UBA2: variants seen among roughly 807,000 people sequenced by gnomAD.
UBA2 encodes ubiquitin like modifier activating enzyme 2.
Under a neutral mutation model 77.2 loss-of-function variants are expected in UBA2, and 11 were observed. That is an observed-to-expected ratio of 0.14 (90% CI 0.09 to 0.24). The LOEUF is 0.24. UBA2 is among the 10% of genes least tolerant of loss of function. UBA2 has a pLI of 1.00. For missense variants in UBA2, 487 were observed against 781.7 expected (o/e 0.62, Z 4.50); for synonymous variants, 278 against 276.7 (o/e 1.00, Z -0.05).
intron 1 of UBA2, 111 bp downstream of exon 1, chr19:34,428,681 G>A: frequency 3.3e-6 from 4 of 1,218,150 alleles, no homozygotes; most frequent in Non-Finnish European, 4.1e-6. Flanking sequence ...CCCGGGACCG[G>A]AGTTGCGGAG....
At chr19:34,457,179 A>AATATATATAT (rs766043321) in intron 12 of UBA2, among the ~76,000 whole-genome samples, 11 of 53,220 alleles carry the variant, frequency 2.1e-4, no homozygotes, top group African/African-American at 5.9e-4. Context: ...AAAAAAAAAA[A>AATATATATAT]ATATATATAT....
At chr19:34,444,946 G>A in intron 7 of UBA2, 54 bp from the exon 8 acceptor site, 1 of 1,553,950 alleles carries the variant, frequency 6.4e-7, no homozygotes, top group East Asian at 2.3e-5. Context: ...TGAGTGAAAA[G>A]AGTTCAGTTC....
intron 15 of UBA2, 127 bp from the exon 16 acceptor site, chr19:34,466,751 A>T (rs1427172249): frequency 2.6e-5 from 15 of 578,680 alleles, no homozygotes; most frequent in Admixed American, 3.8e-5. Flanking sequence ...AATAAAAATT[A>T]AAAAAAAAAT....
At chr19:34,438,586 T>C in intron 5 of UBA2, 59 bp from the exon 6 acceptor site, 1 of 1,600,794 alleles carries the variant, frequency 6.2e-7, no homozygotes, top group Non-Finnish European at 8.5e-7. Context: ...TTATATTACC[T>C]TATAATGTTG....
chr19:34,464,100 G>A lies in UBA2; in HGVS notation c.1573G>A (p.Asp525Asn), dbSNP rs762048921. 2 of 1,613,238 alleles carry A rather than the reference G, an allele frequency of 1.2e-6. No individual in the cohort carries two copies. Among genetic ancestry groups the A allele is most frequent in the Non-Finnish European group, 1.7e-6 (2 of 1,179,286 alleles). Residue 525 changes from aspartate to asparagine, a missense_variant, in exon 15 of 17, where the codon GAC becomes AAC. Around this residue, in one of 9 missense-constraint regions of UBA2, gnomAD observed 300 missense variants for 454.3 expected, o/e 0.66. Coordinates refer to ENST00000246548, the MANE Select transcript of UBA2 (RefSeq NM_005499.3). ...GCTTCAAGCAGATGACTTCCTCCAG[G>A]ACTATACTTTATTGATCAACATCCT... ...SRLQADDFLQ[D>N]YTLLINILHS...
chr19:34,440,056 G>C (rs924272121), intron 6 of UBA2, among the ~76,000 whole-genome samples: 1 of 152,150 alleles, frequency 6.6e-6, no homozygotes, highest in Non-Finnish European at 1.5e-5. Flanking sequence ...CAGTGCGGTG[G>C]CTCAGGCCTG....
At chr19:34,431,651 G>T (rs561974865) in intron 2 of UBA2, among the ~76,000 whole-genome samples, 1 of 151,988 alleles carries the variant, frequency 6.6e-6, no homozygotes, top group Non-Finnish European at 1.5e-5. Flanking sequence ...CGTGGGTCAG[G>T]GGGGGCTCTC....
rs192564302 is a variant in UBA2, at chr19:34,466,304, C to A, written c.1605-574C>A. Among the ~76,000 whole-genome samples, 51 of 152,274 alleles carry A rather than the reference C, an allele frequency of 3.3e-4. No homozygotes were observed. In the East Asian group the frequency reaches 8.7e-3, roughly 26 times the overall value. ...TGAACCGAGATCACGCTACTGCACTCTAGCCTGGGTGACAGAGTGAGACTC... is the reference window on the plus strand; with the variant it reads ...TGAACCGAGATCACGCTACTGCACTATAGCCTGGGTGACAGAGTGAGACTC... On this transcript the variant is annotated intron_variant, in intron 15 of 16. Transcript: ENST00000246548.
chr19:34,464,213 A>G, intron 15 of UBA2, 82 bp downstream of exon 15: 1 of 939,474 alleles, frequency 1.1e-6, no homozygotes, highest in East Asian at 2.6e-5. Flanking sequence ...GTGTTTTCTT[A>G]TCCTTAAACC....
At chr19:34,429,035 C>T (rs2910411) in intron 1 of UBA2, 72,801 of 985,208 alleles carry the variant, frequency 0.074, 3,528 homozygotes, top group African/African-American at 0.22. Context: ...TGGTCACGAG[C>T]GGGTTTACAC....
intron 10 of UBA2, 106 bp from the exon 11 acceptor site, chr19:34,454,154 C>T (rs552661548): frequency 1.8e-5 from 19 of 1,029,578 alleles, no homozygotes; most frequent in East Asian, 1.2e-4. Context: ...TTGTTCTAGT[C>T]GAAAGTCTAT....
intron 15 of UBA2, among the ~76,000 whole-genome samples, chr19:34,464,527 CA>C (rs1409711302): frequency 1.3e-5 from 2 of 150,582 alleles, no homozygotes; most frequent in Non-Finnish European, 3.0e-5. Flanking sequence ...CATTGCACTC[CA>C]ACCTGGGAGA....
intron 5 of UBA2, among the ~76,000 whole-genome samples, chr19:34,435,723 G>A (rs1387420894): frequency 6.6e-6 from 1 of 151,936 alleles, no homozygotes; most frequent in Non-Finnish European, 1.5e-5. Flanking sequence ...CCAGCTAGTT[G>A]GGAGACTGAA....
chr19:34,431,291 G>T (rs1426823824), intron 2 of UBA2, among the ~76,000 whole-genome samples: 1 of 108,958 alleles, frequency 9.2e-6, no homozygotes, highest in African/African-American at 3.6e-5. Context: ...TCACTCTGTC[G>T]CCCCAGGCTG....
intron 6 of UBA2, among the ~76,000 whole-genome samples, chr19:34,441,984 C>T (rs189335655): frequency 1.1e-4 from 16 of 151,940 alleles, no homozygotes; most frequent in African/African-American, 1.9e-4. Context: ...CCTGTAATCC[C>T]GGCTCTTTAG....
intron 16 of UBA2, among the ~76,000 whole-genome samples, chr19:34,467,283 C>G (rs1221023636): frequency 6.6e-6 from 1 of 151,462 alleles, no homozygotes; most frequent in Non-Finnish European, 1.5e-5. Flanking sequence ...GCCTGGGCAA[C>G]ACAATGAGAG....
rs2075728998 is a variant in UBA2, at chr19:34,471,004, AC to A, written c.*1785del. 1 of 152,094 alleles carries A rather than the reference AC, an allele frequency of 6.6e-6. No homozygotes were observed. Among genetic ancestry groups the A allele is most frequent in the Non-Finnish European group, 1.5e-5 (1 of 68,034 alleles). The allele number at this position is 152,094 out of a possible 1,614,324, so 9.4% of individuals were successfully genotyped here. A position where few individuals can be genotyped will look rare whatever the true frequency, so the allele number is the denominator to read the frequency against. On this transcript the variant is annotated 3_prime_UTR_variant, in exon 17 of 17. Coordinates refer to ENST00000246548, the MANE Select transcript of UBA2 (RefSeq NM_005499.3). ...GTTTACCAAAGTCCATTTTGAATGT[AC>A]CATCCCCAGCCCAACTCCAGCCTAC...
chr19:34,465,699 C>T (rs748495686), intron 15 of UBA2, among the ~76,000 whole-genome samples: 8 of 150,692 alleles, frequency 5.3e-5, no homozygotes, highest in Admixed American at 2.0e-4. Context: ...GTGTATTTCA[C>T]AGTTAGATAA....
In UBA2 at chr19:34,430,535, C is replaced by T. The variant is rs777798268; in HGVS notation, c.139-41C>T. On this transcript the variant is annotated intron_variant, in intron 1 of 16. Transcript: ENST00000246548. Reference sequence around the variant, plus strand: ...AGAGTAGTGATACAGCTCAAACATACGTAAACGTTTGTCATTTATCTGGGG... The same window carrying T: ...AGAGTAGTGATACAGCTCAAACATATGTAAACGTTTGTCATTTATCTGGGG... The T allele has an allele frequency of 2.7e-6, 4 of 1,494,412 alleles. No homozygotes were observed. In the South Asian group the frequency reaches 3.4e-5, roughly 13 times the overall value. 92.6% of individuals were successfully genotyped at this position (1,494,412 alleles called of 1,614,324 possible). A position where few individuals can be genotyped will look rare whatever the true frequency, so the allele number is the denominator to read the frequency against.
Sources: gnomAD v4.1 joint callset for allele counts (sites outside exome capture counted in the v4.1 genomes callset) on GRCh38, gnomAD v4.1.1 for gene constraint, gnomAD v4.1.1 regional missense constraint, MANE v1.5 for transcripts, NCBI Gene and HGNC (gene_info 2026-07-23, HGNC 2026-07-21) for gene names.